Variants in AHCYL1 observed in about 807,000 individuals in gnomAD.
AHCYL1 encodes the protein S-adenosylhomocysteine hydrolase-like protein 1.
A neutral mutation model predicts 79.3 loss-of-function variants in AHCYL1; 20 were observed. The observed-to-expected ratio is 0.25, with a 90% CI of 0.18 to 0.37. The LOEUF is 0.37. Ranked by LOEUF, AHCYL1 falls within the 10% of genes least tolerant of loss-of-function variation. The pLI, the probability that AHCYL1 is intolerant of heterozygous loss-of-function variation, is 1.00. For synonymous variants in AHCYL1, 223 were observed against 242.2 expected, an observed-to-expected ratio of 0.92 and a Z score of 0.74; for missense variants, 330 against 673.6, an observed-to-expected ratio of 0.49 and a Z score of 5.65.
intron 1 of AHCYL1, 197 bp downstream of exon 1, chr1:109,985,369 C>G (rs1649411878): frequency 7.6e-7 from 1 of 1,320,016 alleles, no homozygotes; most frequent in Non-Finnish European, 9.7e-7. Context: ...TCCTTTGTCC[C>G]TCGGCCCAAG....
chr1:110,013,279 A>G (rs936988681), intron 5 of AHCYL1, among the ~76,000 whole-genome samples: 3 of 152,254 alleles, frequency 2.0e-5, no homozygotes, highest in Non-Finnish European at 4.4e-5. Flanking sequence ...GTTAAACTAT[A>G]TAAGTGCCAT....
intron 16 of AHCYL1, 65 bp downstream of exon 16, chr1:110,020,916 C>T (rs1412635344): frequency 6.4e-7 from 1 of 1,551,118 alleles, no homozygotes; most frequent in South Asian, 1.2e-5. Context: ...GGCTAGCCTG[C>T]TTCTGACATA....
chr1:110,018,391 C>T lies in AHCYL1; in HGVS notation c.1142C>T (p.Thr381Ile), dbSNP rs201916372. The T allele has an allele frequency of 4.7e-4, 761 of 1,614,140 alleles. 13 individuals carry two copies. In the South Asian group the frequency reaches 7.8e-3, roughly 17 times the overall value. ...CTTTTAGGAAATAAGAATGTAGTGACACGGGAGCACTTGGATCGCATGAAA... is the reference window on the plus strand; with the variant it reads ...CTTTTAGGAAATAAGAATGTAGTGATACGGGAGCACTTGGATCGCATGAAA... ...ITCTGNKNVV[T>I]REHLDRMKNS... The change falls in exon 12 of 17, where the codon ACA (threonine) becomes ATA (isoleucine). Residue 381 changes from threonine (T) to isoleucine (I), a missense_variant. Coordinates refer to ENST00000369799, the MANE Select transcript of AHCYL1 (RefSeq NM_006621.7).
At chr1:110,013,916 T>C (rs1483342395) in intron 5 of AHCYL1, among the ~76,000 whole-genome samples, 1 of 150,236 alleles carries the variant, frequency 6.7e-6, no homozygotes, top group Non-Finnish European at 1.5e-5. Flanking sequence ...TTCTCATGCC[T>C]CAGCCTCCTG....
At chr1:110,021,256 AAC>A (rs1210589529) in intron 16 of AHCYL1, among the ~76,000 whole-genome samples, 3 of 152,100 alleles carry the variant, frequency 2.0e-5, no homozygotes, top group African/African-American at 7.2e-5. Context: ...CAAACAAACA[AAC>A]AAAAAAACTG....
chr1:110,007,508 C>A (rs1650730207), intron 1 of AHCYL1, among the ~76,000 whole-genome samples: 1 of 152,250 alleles, frequency 6.6e-6, no homozygotes, highest in South Asian at 2.1e-4. Context: ...CTAGGCTGCC[C>A]GCTTAAACCT....
chr1:110,001,046 T>C (rs2101708319), intron 1 of AHCYL1: 1 of 754,412 alleles, frequency 1.3e-6, no homozygotes, highest in Non-Finnish European at 1.6e-6. Context: ...CTTCATGTAG[T>C]GCTATCAGGT....
At position 110,011,209 on chromosome 1, in the gene AHCYL1, T is replaced by C. The variant is rs113877314; in HGVS notation, c.233-5T>C. 6.2e-7 allele frequency: 1 copy of C among 1,613,252 alleles called. No homozygotes were observed. ...TATCCTTGTTTTTTTCTTTCCTGGC[T>C]CTAGCTGCATCCTACACAGATAGCT... On this transcript the variant is annotated splice_polypyrimidine_tract_variant and splice_region_variant and intron_variant, in intron 2 of 16. Transcript: ENST00000369799.
chr1:110,000,041 T>C (rs1457920544), intron 1 of AHCYL1, among the ~76,000 whole-genome samples: 1 of 152,198 alleles, frequency 6.6e-6, no homozygotes, highest in Non-Finnish European at 1.5e-5. Context: ...TGCTAAGTGT[T>C]CATGTGTGAA....
At chr1:110,018,809 TA>T (rs896867739) in intron 13 of AHCYL1, 159 bp downstream of exon 13, 30 of 802,404 alleles carry the variant, frequency 3.7e-5, no homozygotes, top group Non-Finnish European at 3.8e-5. Flanking sequence ...AAAACCACTT[TA>T]AAAAAATCTA....
At chr1:110,016,253 A>G in intron 7 of AHCYL1, 91 bp from the exon 8 acceptor site, 1 of 804,992 alleles carries the variant, frequency 1.2e-6, no homozygotes, top group Non-Finnish European at 2.0e-6. Context: ...GCAGCATGGA[A>G]CTTGAAGAGA....
rs1651830089 is a variant in AHCYL1, at chr1:110,021,942, T to A, written c.*262T>A. 1 of 432,350 alleles carries A rather than the reference T, an allele frequency of 2.3e-6. No individual in the cohort carries two copies. The highest frequency in any genetic ancestry group is 2.1e-5 in the African/African-American group (1 of 48,740). The allele number at this position is 432,350 out of a possible 1,614,324, so 26.8% of individuals were successfully genotyped here. A position where few individuals can be genotyped will look rare whatever the true frequency, so the allele number is the denominator to read the frequency against. ...CTCTCCCAGCCCAGAAAGGTGATTC[T>A]TTCTTTACCATTTCTGGGGACTTTA... On this transcript the variant is annotated 3_prime_UTR_variant, in exon 17 of 17. Transcript: ENST00000369799.
chr1:110,000,708 A>G (rs1042940411), intron 1 of AHCYL1, among the ~76,000 whole-genome samples: 1 of 152,076 alleles, frequency 6.6e-6, no homozygotes, highest in Non-Finnish European at 1.5e-5. Context: ...AAAAGAAGGA[A>G]AATAGAACTG....
At chr1:109,991,806 AT>A (rs1649771506) in intron 1 of AHCYL1, among the ~76,000 whole-genome samples, 1 of 152,194 alleles carries the variant, frequency 6.6e-6, no homozygotes, top group African/African-American at 2.4e-5. Flanking sequence ...GAGTATAACC[AT>A]CTTTCATTCA....
Position 109,984,973 on chromosome 1 carries a change from C to CCG in AHCYL1, c.-75_-74dup. ...GTGGGCGATCGCGTGTCGGAGGGCG[C>CCG]CGCGCGGGCAGGCGGGCGGGCGCCA... is the stretch of plus-strand genomic sequence containing the variant. On this transcript the variant is annotated 5_prime_UTR_variant, in exon 1 of 17. Coordinates refer to ENST00000369799, the MANE Select transcript of AHCYL1 (RefSeq NM_006621.7). 1 of 1,369,024 alleles carries CCG rather than the reference C, an allele frequency of 7.3e-7. No individual in the cohort carries two copies. The highest frequency in any genetic ancestry group is 9.4e-7 in the Non-Finnish European group (1 of 1,063,544). The allele number at this position is 1,369,024 out of a possible 1,614,324, so 84.8% of individuals were successfully genotyped here.
chr1:110,018,865 A>T, intron 13 of AHCYL1, 186 bp from the exon 14 acceptor site: 1 of 725,080 alleles, frequency 1.4e-6, no homozygotes, highest in Non-Finnish European at 2.3e-6. Flanking sequence ...CTGATTCTTT[A>T]ACCTTTCAGA....
At chr1:109,998,940 C>T (rs1009788336) in intron 1 of AHCYL1, among the ~76,000 whole-genome samples, 6 of 151,806 alleles carry the variant, frequency 4.0e-5, no homozygotes, top group Non-Finnish European at 7.4e-5. Context: ...TTGCTCAAGG[C>T]GAAGAGTTCA....
intron 2 of AHCYL1, 113 bp from the exon 3 acceptor site, chr1:110,011,101 T>G (rs1650992579): frequency 7.5e-6 from 10 of 1,328,580 alleles, no homozygotes; most frequent in Non-Finnish European, 8.2e-6. Context: ...AAAAGGTAGC[T>G]CCAATTAAGG....
At chr1:110,012,803 A>C in intron 4 of AHCYL1, 94 bp from the exon 5 acceptor site, 1 of 893,774 alleles carries the variant, frequency 1.1e-6, no homozygotes, top group Non-Finnish European at 1.7e-6. Context: ...CTGTTGGTGC[A>C]GAGTTGATAG....
Sources: allele counts gnomAD v4.1 joint callset (sites outside exome capture counted in the v4.1 genomes callset), GRCh38; gene constraint gnomAD v4.1.1; transcripts MANE v1.5; gene names NCBI Gene and HGNC (gene_info 2026-07-23, HGNC 2026-07-21).